SLC15A2: variants seen among roughly 807,000 people sequenced by gnomAD.
The protein encoded by SLC15A2 is solute carrier family 15 member 2, also known as kidney H(+)/peptide cotransporter.
In SLC15A2, 77 loss-of-function variants were observed where a neutral mutation model predicts 95.5. The observed-to-expected ratio is 0.81, with a 90% CI of 0.67 to 0.97. SLC15A2 has a LOEUF of 0.97. SLC15A2 is among the 50% of genes least tolerant of loss of function. The pLI is 0.00. For synonymous variants in SLC15A2, 306 were observed against 306.9 expected, an observed-to-expected ratio of 1.00 and a Z score of 0.03; for missense variants, 893 against 874.4, an observed-to-expected ratio of 1.02 and a Z score of -0.27.
chr3:121,922,098 A>G (rs773004347), intron 7 of SLC15A2, 122 bp from the exon 8 acceptor site: 3 of 702,102 alleles, frequency 4.3e-6, no homozygotes, highest in Non-Finnish European at 7.3e-6. Context: ...TGAATGTGCT[A>G]TTTAGGTTTG....
Position 121,898,814 on chromosome 3 carries a change from C to G in SLC15A2, c.335+1285C>G, listed in dbSNP as rs189848858. Reference sequence around the variant, plus strand: ...TGGACCCAGTGTTCCAAGGAATTCTCTTTAGTAAACAATGGTTTATAGCTT... The same window carrying G: ...TGGACCCAGTGTTCCAAGGAATTCTGTTTAGTAAACAATGGTTTATAGCTT... On this transcript the variant is annotated intron_variant, in intron 3 of 21. Coordinates refer to ENST00000489711, the MANE Select transcript of SLC15A2 (RefSeq NM_021082.4). Among the ~76,000 whole-genome samples the G allele has an allele frequency of 1.8e-3, 270 of 152,236 alleles. 3 individuals carry two copies. The highest frequency in any genetic ancestry group is 2.3e-3 in the South Asian group (11 of 4,826).
intron 3 of SLC15A2, among the ~76,000 whole-genome samples, chr3:121,904,745 C>A (rs187326012): frequency 7.2e-5 from 11 of 152,274 alleles, no homozygotes; most frequent in African/African-American, 1.2e-4. Flanking sequence ...CTGCTGGATT[C>A]GGTTTGCCAG....
Position 121,907,025 on chromosome 3 carries a change from A to G in SLC15A2, c.336-4549A>G, listed in dbSNP as rs573856317. On this transcript the variant is annotated intron_variant, in intron 3 of 21. Transcript: ENST00000489711. ...ATTTGGTCTTTTTACATAGTCCTATATTTCTTTGAGGCTTTGTTCATTTCT... is the reference window on the plus strand; with the variant it reads ...ATTTGGTCTTTTTACATAGTCCTATGTTTCTTTGAGGCTTTGTTCATTTCT... 4.6e-5 allele frequency among the ~76,000 whole-genome samples: 7 copies of G among 152,168 alleles called. No homozygotes were observed. The South Asian group carries it at 1.5e-3, about 32-fold the overall frequency.
intron 3 of SLC15A2, among the ~76,000 whole-genome samples, chr3:121,900,228 C>G (rs1478199289): frequency 6.6e-6 from 1 of 152,158 alleles, no homozygotes; most frequent in Non-Finnish European, 1.5e-5. Context: ...TCTGTCTTCT[C>G]TACATTCCCA....
rs1143671 is a variant in SLC15A2 at position 121,928,439 on chromosome 3, C to T, written c.1225C>T (p.Pro409Ser). 0.45 allele frequency: 732,850 copies of T among 1,613,116 alleles called. 171,170 individuals carry two copies. The highest frequency in any genetic ancestry group is 0.72 in the East Asian group (32,274 of 44,854). Residue 409 changes from proline to serine, a missense_variant, in exon 15 of 22, where the codon CCA becomes TCA. Physicochemically the swap from Pro to Ser is moderately conservative, Grantham distance 74 (BLOSUM62 -1). Transcript: ENST00000489711. ...IKINEMAPAQ[P>S]GPQEVFLQVL... ...CTCTAAGGAAATGGCCCCAGCCCAG[C>T]CAGGTCCCCAGGAGGTTTTCCTACA...
chr3:121,930,530 A>G (rs1479974517), intron 17 of SLC15A2, among the ~76,000 whole-genome samples: 4 of 152,178 alleles, frequency 2.6e-5, no homozygotes, highest in Non-Finnish European at 5.9e-5. Context: ...CCTAAGCTGG[A>G]TTAGTGAGGA....
chr3:121,894,940 C>T (rs1291613279), intron 1 of SLC15A2, among the ~76,000 whole-genome samples: 2 of 152,118 alleles, frequency 1.3e-5, no homozygotes, highest in Non-Finnish European at 2.9e-5. Context: ...AAAACTCTGC[C>T]CTTAGTTCTC....
At chr3:121,915,773 G>A in intron 7 of SLC15A2, 80 bp downstream of exon 7, 1 of 991,952 alleles carries the variant, frequency 1.0e-6, no homozygotes, top group Non-Finnish European at 1.6e-6. Context: ...CTTTACACAA[G>A]CTGTTTCATT....
rs180744046 is a variant in SLC15A2 at position 121,905,996 on chromosome 3, G to T, written c.336-5578G>T. 2.8e-4 allele frequency among the ~76,000 whole-genome samples: 43 copies of T among 152,180 alleles called. No homozygotes were observed. In the East Asian group the frequency reaches 2.9e-3, roughly 10 times the overall value. ...GTGTGGGAGTCTAAGTCTCTTTGTA[G>T]GTCTCTAAGGACTTGCTTTATGAAT... On this transcript the variant is annotated intron_variant, in intron 3 of 21. Coordinates refer to ENST00000489711, the MANE Select transcript of SLC15A2 (RefSeq NM_021082.4).
At chr3:121,914,698 T>C (rs548658482) in intron 5 of SLC15A2, among the ~76,000 whole-genome samples, 20 of 152,078 alleles carry the variant, frequency 1.3e-4, no homozygotes, top group African/African-American at 4.6e-4. Context: ...ATGAGTAAGA[T>C]AAAATTTCTG....
chr3:121,909,611 T>C (rs1709721646), intron 3 of SLC15A2, among the ~76,000 whole-genome samples: 1 of 152,136 alleles, frequency 6.6e-6, no homozygotes, highest in Admixed American at 6.5e-5. Flanking sequence ...TATGAGGTTT[T>C]TGTTTGTTTG....
chr3:121,942,749 A>C lies in SLC15A2; in HGVS notation c.*1742A>C, dbSNP rs2107617479. 6.6e-6 allele frequency: 1 copy of C among 152,364 alleles called. No individual in the cohort carries two copies. The highest frequency in any genetic ancestry group is 2.4e-5 in the African/African-American group (1 of 41,584). 9.4% of individuals were successfully genotyped at this position (152,364 alleles called of 1,614,324 possible). A position where few individuals can be genotyped will look rare whatever the true frequency, so the allele number is the denominator to read the frequency against. On this transcript the variant is annotated 3_prime_UTR_variant, in exon 22 of 22. Transcript: ENST00000489711. ...AAATAGAAGTGTCTATGGACAAATA[A>C]GTTTGGGAAATGTGGCATACTGTAT...
At chr3:121,906,201 G>A (rs1162656032) in intron 3 of SLC15A2, among the ~76,000 whole-genome samples, 1 of 151,736 alleles carries the variant, frequency 6.6e-6, no homozygotes, top group African/African-American at 2.4e-5. Flanking sequence ...CCATTTACTT[G>A]GTAGCTTTGG....
intron 19 of SLC15A2, among the ~76,000 whole-genome samples, chr3:121,938,822 A>T (rs569652190): frequency 6.6e-6 from 1 of 152,322 alleles, no homozygotes; most frequent in African/African-American, 2.4e-5. Context: ...CTCCTGGCCA[A>T]AAGCAGCAAC....
chr3:121,929,837 G>A, intron 17 of SLC15A2, among the ~76,000 whole-genome samples: 1 of 152,038 alleles, frequency 6.6e-6, no homozygotes, highest in East Asian at 1.9e-4. Flanking sequence ...AAATGGTGAG[G>A]GACAGTTACA....
chr3:121,927,783 A>G lies in SLC15A2; in HGVS notation c.1150A>G (p.Met384Val), dbSNP rs756183516. 6.2e-7 allele frequency: 1 copy of G among 1,613,896 alleles called. No individual in the cohort carries two copies. ...FSSLRKMAVGMILACLAFAVA... is the reference protein window; with the variant it reads ...FSSLRKMAVGVILACLAFAVA... The stretch of plus-strand genomic sequence containing the variant: ...ATCACTTAGGAAAATGGCTGTTGGT[A>G]TGATCCTAGCATGCCTGGCATTTGC... The change falls in exon 14 of 22, where the codon ATG becomes GTG. Residue 384 changes from methionine to valine, a missense_variant. Met to Val is a conservative substitution (Grantham distance 21). Transcript: ENST00000489711.
chr3:121,914,335 G>T (rs1160063582), intron 5 of SLC15A2, among the ~76,000 whole-genome samples: 1 of 152,162 alleles, frequency 6.6e-6, no homozygotes, highest in Non-Finnish European at 1.5e-5. Flanking sequence ...GGTGTATAAT[G>T]AACGAAACAT....
rs1462940097 is a variant in SLC15A2, at chr3:121,942,495, C to T, written c.*1488C>T. 9.9e-5 allele frequency: 15 copies of T among 152,168 alleles called. No homozygotes were observed. The highest frequency in any genetic ancestry group is 9.8e-4 in the Admixed American group (15 of 15,282). The allele number at this position is 152,168 out of a possible 1,614,324, so 9.4% of individuals were successfully genotyped here. On this transcript the variant is annotated 3_prime_UTR_variant, in exon 22 of 22. Transcript: ENST00000489711. ...CTGTTAATATTAACAGATAATGTTA[C>T]TGTTAACAGGTAAGAGAAATTGCTC... is the stretch of plus-strand genomic sequence containing the variant.
chr3:121,923,232 G>A lies in SLC15A2; in HGVS notation c.968G>A (p.Trp323Ter). 1 of 1,613,924 alleles carries A rather than the reference G, an allele frequency of 6.2e-7. No individual in the cohort carries two copies. The change falls in exon 11 of 22, where the codon TGG becomes TAG. Residue 323 changes from tryptophan (W) to a stop codon, truncating the protein, a stop_gained. Transcript: ENST00000489711. LOFTEE classifies it high-confidence loss of function. ...WALLDQQGSRWTLQAIRMNRN... is the reference protein window; with the variant it reads ...WALLDQQGSR ...ATCTGTTTGCCCTAGGGTTCACGAT[G>A]GACTTTGCAAGCCATCAGGATGAAT...
Sources: allele counts gnomAD v4.1 joint callset (sites outside exome capture counted in the v4.1 genomes callset), GRCh38; gene constraint gnomAD v4.1.1; transcripts MANE v1.5; gene names NCBI Gene and HGNC (gene_info 2026-07-23, HGNC 2026-07-21).